NBEAL1: variants seen among roughly 807,000 people sequenced by gnomAD.
The protein encoded by NBEAL1 is neurobeachin like 1.
A neutral mutation model predicts 351.3 loss-of-function variants in NBEAL1; 273 were observed. The observed-to-expected ratio is 0.78, with a 90% confidence interval of 0.70 to 0.86. NBEAL1 has a LOEUF of 0.86. NBEAL1 is among the 40% of genes least tolerant of loss of function. NBEAL1 has a pLI of 0.00. For synonymous variants in NBEAL1, 1,050 were observed against 1,086.4 expected, an observed-to-expected ratio of 0.97 and a Z score of 0.66; for missense variants, 2,961 against 3,201.3, an observed-to-expected ratio of 0.92 and a Z score of 1.81.
intron 15 of NBEAL1, 83 bp downstream of exon 15, chr2:203,110,365 T>C (rs2062539109): frequency 6.9e-7 from 1 of 1,445,088 alleles, no homozygotes; most frequent in Non-Finnish European, 9.3e-7. Flanking sequence ...CAGCAGTCAT[T>C]TTTTTGCTAA....
chr2:203,193,871 T>C lies in NBEAL1; in HGVS notation c.6998T>C (p.Leu2333Pro). 3.7e-6 allele frequency: 6 copies of C among 1,610,244 alleles called. No individual in the cohort carries two copies. Among genetic ancestry groups the C allele is most frequent in the Non-Finnish European group, 5.1e-6 (6 of 1,177,856 alleles). ...PTKIDTSTLN[L>P]FQHLPELKSF... ...AAAATAGACACTTCAACCCTAAACC[T>C]GTTTCAACACCTTCCTGAACTCAAG... The change falls in exon 47 of 56, where the codon CTG becomes CCG. Residue 2333 changes from leucine (L) to proline (P), a missense_variant. Coordinates refer to ENST00000683969, the MANE Select transcript of NBEAL1 (RefSeq NM_001378026.1).
At position 203,222,292 on chromosome 2, in the gene NBEAL1, T is replaced by G. The variant is rs1463571602; in HGVS notation, c.*4938T>G. On this transcript the variant is annotated 3_prime_UTR_variant, in exon 56 of 56. Coordinates refer to ENST00000683969, the MANE Select transcript of NBEAL1 (RefSeq NM_001378026.1). Reference sequence around the variant, plus strand: ...TGTGGAGTTTATAAATATACAGATATGTAGGCACTGCTTTGGACTTCATGA... The same window carrying G: ...TGTGGAGTTTATAAATATACAGATAGGTAGGCACTGCTTTGGACTTCATGA... 6.6e-6 allele frequency among the ~76,000 whole-genome samples: 1 copy of G among 152,226 alleles called. No homozygotes were observed. The highest frequency in any genetic ancestry group is 2.4e-5 in the African/African-American group (1 of 41,458).
intron 51 of NBEAL1, 98 bp downstream of exon 51, chr2:203,202,879 T>C: frequency 1.4e-6 from 1 of 706,006 alleles, no homozygotes; most frequent in East Asian, 2.5e-5. Context: ...TTTCTGGCAG[T>C]GACTGAGCTC....
chr2:203,032,662 T>C (rs749938026), intron 2 of NBEAL1, among the ~76,000 whole-genome samples: 1 of 130,256 alleles, frequency 7.7e-6, no homozygotes. Context: ...AATTGTAGCT[T>C]TTTTTTTTTT....
chr2:203,093,801 C>T (rs1559360499), intron 10 of NBEAL1, among the ~76,000 whole-genome samples: 1 of 152,080 alleles, frequency 6.6e-6, no homozygotes. Context: ...TGAGCCATCA[C>T]ACCACTGCAC....
chr2:203,047,216 CA>C (rs2061243214), intron 3 of NBEAL1, among the ~76,000 whole-genome samples: 1 of 147,010 alleles, frequency 6.8e-6, no homozygotes, highest in Non-Finnish European at 1.5e-5. Flanking sequence ...CCAGCCTGGG[CA>C]ACAAGAGCGA....
In NBEAL1 at chr2:203,116,048, T is replaced by G; in HGVS notation, c.2570T>G (p.Ile857Ser). The G allele has an allele frequency of 1.9e-6, 3 of 1,553,504 alleles. No individual in the cohort carries two copies. The highest frequency in any genetic ancestry group is 2.6e-6 in the Non-Finnish European group (3 of 1,147,242). The change falls in exon 18 of 56, where the codon ATC (isoleucine) becomes AGC (serine). Residue 857 changes from isoleucine (I) to serine (S), a missense_variant. Coordinates refer to ENST00000683969, the MANE Select transcript of NBEAL1 (RefSeq NM_001378026.1). ...GACATGGCCGACCTGCCTGGTAACATCCTTCTTTACTACACAGCAAAGGTC... is the reference window on the plus strand; with the variant it reads ...GACATGGCCGACCTGCCTGGTAACAGCCTTCTTTACTACACAGCAAAGGTC... The part of the protein sequence containing the change: ...ESDMADLPGN[I>S]LLYYTAKACK...
intron 7 of NBEAL1, among the ~76,000 whole-genome samples, chr2:203,068,922 G>T (rs960016295): frequency 4.8e-4 from 73 of 152,100 alleles, no homozygotes; most frequent in Non-Finnish European, 6.3e-4. Context: ...TAGAGACCGG[G>T]TTTCACCATG....
In NBEAL1 at chr2:203,145,171, A is replaced by T. The variant is rs1479268484; in HGVS notation, c.5304+11A>T. 1.1e-5 allele frequency: 17 copies of T among 1,600,348 alleles called. No homozygotes were observed. The highest frequency in any genetic ancestry group is 1.4e-5 in the Non-Finnish European group (17 of 1,175,178). ...AAGCTCAAATTTCAGGTAAAAAGTA[A>T]ATGTTTTAATATCTAGTTTTTCTTG... On this transcript the variant is annotated intron_variant, in intron 33 of 55. Coordinates refer to ENST00000683969, the MANE Select transcript of NBEAL1 (RefSeq NM_001378026.1).
At chr2:203,164,286 G>A (rs2106388863) in intron 36 of NBEAL1, among the ~76,000 whole-genome samples, 1 of 151,988 alleles carries the variant, frequency 6.6e-6, no homozygotes, top group South Asian at 2.1e-4. Flanking sequence ...ACTAGATTCA[G>A]TAGTATCCTT....
intron 2 of NBEAL1, among the ~76,000 whole-genome samples, chr2:203,029,050 A>G (rs890805864): frequency 1.1e-4 from 17 of 152,110 alleles, no homozygotes; most frequent in African/African-American, 3.9e-4. Flanking sequence ...CAATGGTGTG[A>G]TCTCAGCTCA....
chr2:203,107,543 G>T (rs2106231247), intron 13 of NBEAL1, 25 bp downstream of exon 13: 1 of 1,541,854 alleles, frequency 6.5e-7, no homozygotes, highest in Non-Finnish European at 8.8e-7. Context: ...TTTATTAAGA[G>T]AATTTCTGTT....
At chr2:203,055,114 T>G (rs1396507870) in intron 4 of NBEAL1, among the ~76,000 whole-genome samples, 3 of 152,202 alleles carry the variant, frequency 2.0e-5, no homozygotes, top group African/African-American at 7.2e-5. Flanking sequence ...TTTCACTTCC[T>G]TATTAATTTT....
At position 203,060,984 on chromosome 2, in the gene NBEAL1, ACT is replaced by A. The variant is rs1559338892; in HGVS notation, c.515+3534_515+3535del. Among the ~76,000 whole-genome samples, 5 of 152,132 alleles carry A rather than the reference ACT, an allele frequency of 3.3e-5. No individual in the cohort carries two copies. In the East Asian group the frequency reaches 5.8e-4, roughly 18 times the overall value. Reference sequence around the variant, plus strand: ...GTTAGACAAATGAAGGTATTCTCACACTCTGTACATTTATAGGAATTTTTCAA... The same window carrying A: ...GTTAGACAAATGAAGGTATTCTCACACTGTACATTTATAGGAATTTTTCAA... On this transcript the variant is annotated intron_variant, in intron 6 of 55. Transcript: ENST00000683969.
intron 18 of NBEAL1, among the ~76,000 whole-genome samples, chr2:203,120,902 A>T (rs1488094188): frequency 2.0e-5 from 3 of 152,242 alleles, no homozygotes; most frequent in African/African-American, 7.2e-5. Context: ...TATTTGTTTG[A>T]TTAAAGCAAT....
chr2:203,045,364 A>G (rs1186295653), intron 3 of NBEAL1, among the ~76,000 whole-genome samples: 1 of 152,148 alleles, frequency 6.6e-6, no homozygotes, highest in Admixed American at 6.5e-5. Flanking sequence ...ATCTTTGTAT[A>G]TTATTTTTAG....
chr2:203,022,855 T>G (rs140954900), intron 2 of NBEAL1, among the ~76,000 whole-genome samples: 2,783 of 152,294 alleles, frequency 0.018, 42 homozygotes, highest in Non-Finnish European at 0.029. Context: ...TTAATTATCT[T>G]GAATAATGAT....
chr2:203,112,421 A>G (rs1403450732), intron 16 of NBEAL1, among the ~76,000 whole-genome samples: 1 of 152,268 alleles, frequency 6.6e-6, no homozygotes, highest in African/African-American at 2.4e-5. Flanking sequence ...TGAATTACGT[A>G]AGAGAATATT....
At chr2:203,164,716 A>G (rs2064078999) in intron 36 of NBEAL1, among the ~76,000 whole-genome samples, 1 of 152,196 alleles carries the variant, frequency 6.6e-6, no homozygotes. Context: ...AGAACTTCTC[A>G]TGGAAACCCA....
Sources: allele counts gnomAD v4.1 joint callset (sites outside exome capture counted in the v4.1 genomes callset), GRCh38; gene constraint gnomAD v4.1.1; transcripts MANE v1.5; gene names NCBI Gene and HGNC (gene_info 2026-07-23, HGNC 2026-07-21).